GPR39: variants seen among roughly 807,000 people sequenced by gnomAD.
GPR39 encodes zinc sensing receptor.
In GPR39, 23 loss-of-function variants were observed where a neutral mutation model predicts 18.4. The ratio of observed to expected loss-of-function variants is 1.25; its 90% CI spans 0.90 to 1.77. GPR39 has a LOEUF of 1.77. Ranked by LOEUF, GPR39 falls within the 40% of genes most tolerant of loss-of-function variation. GPR39 has a pLI of 0.00. For missense variants in GPR39, 647 were observed against 602.4 expected (o/e 1.07, Z -0.78); for synonymous variants, 280 against 257.9 (o/e 1.09, Z -0.82).
At chr2:132,463,643 C>A (rs557226161) in intron 1 of GPR39, among the ~76,000 whole-genome samples, 1 of 152,216 alleles carries the variant, frequency 6.6e-6, no homozygotes, top group Non-Finnish European at 1.5e-5. Context: ...AAATAAGAAG[C>A]TTTACAGGAG....
At chr2:132,572,072 C>T (rs1680449221) in intron 1 of GPR39, among the ~76,000 whole-genome samples, 1 of 152,156 alleles carries the variant, frequency 6.6e-6, no homozygotes, top group South Asian at 2.1e-4. Context: ...ATACCCAGCT[C>T]CTCCCCAGCC....
chr2:132,557,478 G>A (rs1042817239), intron 1 of GPR39, among the ~76,000 whole-genome samples: 5 of 152,088 alleles, frequency 3.3e-5, no homozygotes, highest in African/African-American at 1.2e-4. Flanking sequence ...AGAGCTTCAG[G>A]TGCCTTAATG....
chr2:132,476,849 C>A (rs756166174), intron 1 of GPR39, among the ~76,000 whole-genome samples: 3 of 152,058 alleles, frequency 2.0e-5, no homozygotes, highest in Non-Finnish European at 4.4e-5. Context: ...AACAGTCATT[C>A]GTGGGAAGGA....
intron 1 of GPR39, among the ~76,000 whole-genome samples, chr2:132,546,746 C>T (rs1679956077): frequency 6.9e-6 from 1 of 145,402 alleles, no homozygotes; most frequent in Non-Finnish European, 1.5e-5. Flanking sequence ...GATTCCTTGA[C>T]AGTTCCGGGG....
intron 1 of GPR39, among the ~76,000 whole-genome samples, chr2:132,434,520 G>T (rs1197294523): frequency 6.6e-6 from 1 of 152,128 alleles, no homozygotes; most frequent in African/African-American, 2.4e-5. Flanking sequence ...AACACTGAAG[G>T]TGTTGAAGTG....
chr2:132,529,613 G>A (rs187205442), intron 1 of GPR39, among the ~76,000 whole-genome samples: 47 of 152,324 alleles, frequency 3.1e-4, no homozygotes, highest in Non-Finnish European at 5.4e-4. Context: ...CAGTAGGGGC[G>A]GACTGACACC....
At chr2:132,539,036 T>C (rs1008978178) in intron 1 of GPR39, among the ~76,000 whole-genome samples, 2 of 152,132 alleles carry the variant, frequency 1.3e-5, no homozygotes, top group African/African-American at 2.4e-5. Flanking sequence ...ACCACTTGGC[T>C]CCCTGGCTTC....
chr2:132,438,189 C>T lies in GPR39; in HGVS notation c.856+20291C>T, dbSNP rs138024833. 2.5e-3 allele frequency among the ~76,000 whole-genome samples: 380 copies of T among 152,264 alleles called. 8 individuals are homozygous for T. In the East Asian group the frequency reaches 0.046, roughly 18 times the overall value. On this transcript the variant is annotated intron_variant, in intron 1 of 1. Transcript: ENST00000329321. Reference sequence around the variant, plus strand: ...GGTCACTTAGAGATGGAAACAGATACGCAAGGTCCAACCATTCATGTAGAA... The same window carrying T: ...GGTCACTTAGAGATGGAAACAGATATGCAAGGTCCAACCATTCATGTAGAA...
intron 1 of GPR39, among the ~76,000 whole-genome samples, chr2:132,535,283 G>C (rs1013902834): frequency 6.6e-6 from 1 of 152,190 alleles, no homozygotes; most frequent in East Asian, 1.9e-4. Flanking sequence ...AAGAGATGTT[G>C]AGTTTTATCA....
intron 1 of GPR39, among the ~76,000 whole-genome samples, chr2:132,471,661 T>C (rs1173672574): frequency 6.6e-6 from 1 of 151,558 alleles, no homozygotes; most frequent in East Asian, 1.9e-4. Flanking sequence ...AGTTTTTTTT[T>C]TTTTTTTTCT....
intron 1 of GPR39, among the ~76,000 whole-genome samples, chr2:132,433,045 C>A (rs1680250792): frequency 6.6e-6 from 1 of 151,948 alleles, no homozygotes; most frequent in African/African-American, 2.4e-5. Context: ...AGATTTGTGA[C>A]AATTTGAACA....
chr2:132,565,986 A>G (rs1680343757), intron 1 of GPR39, among the ~76,000 whole-genome samples: 1 of 107,028 alleles, frequency 9.3e-6, no homozygotes, highest in Non-Finnish European at 1.8e-5. Context: ...ACTGACTTCC[A>G]CAATGGTTGA....
At chr2:132,564,810 C>CT (rs948881403) in intron 1 of GPR39, among the ~76,000 whole-genome samples, 1,770 of 95,320 alleles carry the variant, frequency 0.019, 46 homozygotes, top group African/African-American at 0.029. Flanking sequence ...TTTCTTTTTT[C>CT]TTTTTTTTTT....
chr2:132,455,314 G>A (rs1573610399), intron 1 of GPR39, among the ~76,000 whole-genome samples: 1 of 152,286 alleles, frequency 6.6e-6, no homozygotes, highest in Admixed American at 6.5e-5. Flanking sequence ...ATTTCTGTGG[G>A]ATTGGTGGTG....
chr2:132,570,440 C>G (rs989160417), intron 1 of GPR39, among the ~76,000 whole-genome samples: 2 of 152,122 alleles, frequency 1.3e-5, no homozygotes, highest in Non-Finnish European at 2.9e-5. Context: ...TACTTCTAGT[C>G]CATAATTCCA....
intron 1 of GPR39, among the ~76,000 whole-genome samples, chr2:132,550,058 T>C (rs1680016128): frequency 1.3e-5 from 2 of 152,228 alleles, no homozygotes; most frequent in African/African-American, 4.8e-5. Context: ...TCAGCTCTAT[T>C]TTCTGGCCCA....
chr2:132,534,097 A>T (rs1260094474), intron 1 of GPR39, among the ~76,000 whole-genome samples: 1 of 152,240 alleles, frequency 6.6e-6, no homozygotes, highest in Non-Finnish European at 1.5e-5. Context: ...TACTCATCTG[A>T]CAAAGGGCTA....
chr2:132,599,036 G>A (rs190379681), intron 1 of GPR39, among the ~76,000 whole-genome samples: 9 of 152,100 alleles, frequency 5.9e-5, no homozygotes, highest in South Asian at 2.1e-4. Context: ...GTGGAGGTGC[G>A]GTGGTGGTGA....
intron 1 of GPR39, among the ~76,000 whole-genome samples, chr2:132,631,881 G>A (rs1681656068): frequency 6.7e-6 from 1 of 150,134 alleles, no homozygotes; most frequent in Non-Finnish European, 1.5e-5. Flanking sequence ...GGAGTGCAGT[G>A]GCACAATCTT....
Sources: allele counts gnomAD v4.1 joint callset (sites outside exome capture counted in the v4.1 genomes callset), GRCh38; gene constraint gnomAD v4.1.1; transcripts MANE v1.5; gene names NCBI Gene and HGNC (gene_info 2026-07-23, HGNC 2026-07-21).